Variants in DNAJB13 observed in about 807,000 individuals in gnomAD.
The protein encoded by DNAJB13 is dnaJ homolog subfamily B member 13.
In DNAJB13, 22 loss-of-function variants were observed where a neutral mutation model predicts 35.6. The observed-to-expected ratio is 0.62, with a 90% CI of 0.44 to 0.88. The LOEUF (loss-of-function observed/expected upper bound fraction) is 0.88. Among genes scored for constraint, DNAJB13 ranks in the 40% least tolerant of loss-of-function variants. The pLI, the probability that DNAJB13 is intolerant of heterozygous loss-of-function variation, is 0.00. For missense variants in DNAJB13, 370 were observed against 384.3 expected (o/e 0.96, Z 0.31); for synonymous variants, 136 against 144.2 (o/e 0.94, Z 0.41).
Position 73,958,000 on chromosome 11 carries a change from G to C in DNAJB13, c.69-317G>C, listed in dbSNP as rs612914. Reference sequence around the variant, plus strand: ...GGGAGCCCTCGCGCAAAGCTTGCCCGTTGGAGGAGTCCTGTGTCTTGCAGG... The same window carrying C: ...GGGAGCCCTCGCGCAAAGCTTGCCCCTTGGAGGAGTCCTGTGTCTTGCAGG... On this transcript the variant is annotated intron_variant, in intron 1 of 7. Transcript: ENST00000339764. Among the ~76,000 whole-genome samples the C allele has an allele frequency of 0.53, 79,841 of 152,036 alleles. 21,834 individuals are homozygous for C. The highest frequency in any genetic ancestry group is 0.69 in the African/African-American group (28,749 of 41,462).
At position 73,951,244 on chromosome 11, in the gene DNAJB13, C is replaced by T; in HGVS notation, c.68+107C>T. ...ACAGCTTAGCGCAGACAAGGTAAAC[C>T]TTGTTCCTCCTTTCACTTCTTGCAT... On this transcript the variant is annotated intron_variant, in intron 1 of 7. Coordinates refer to ENST00000339764, the MANE Select transcript of DNAJB13 (RefSeq NM_153614.4). The T allele has an allele frequency of 3.7e-6, 5 of 1,340,466 alleles. No homozygotes were observed. The African/African-American group carries it at 5.8e-5, about 16-fold the overall frequency. 83.0% of individuals were successfully genotyped at this position (1,340,466 alleles called of 1,614,324 possible).
rs1026229822 is a variant in DNAJB13 at position 73,958,358 on chromosome 11, A to T, written c.110A>T (p.Asn37Ile). Residue 37 changes from asparagine (N) to isoleucine (I), a missense_variant, in exon 2 of 8, where the codon AAT (asparagine) becomes ATT (isoleucine). Physicochemically the swap from Asn to Ile is moderately radical, Grantham distance 149. Transcript: ENST00000339764. Reference sequence around the variant, plus strand: ...CTTAAGCACCACCCGTTGAAGTCAAATGAGCCGTCTTCAGCAGAGATTTTC... The same window carrying T: ...CTTAAGCACCACCCGTTGAAGTCAATTGAGCCGTCTTCAGCAGAGATTTTC... Reference protein sequence around the residue: ...LALKHHPLKSNEPSSAEIFRQ... With the variant: ...LALKHHPLKSIEPSSAEIFRQ... 1 of 1,614,190 alleles carries T rather than the reference A, an allele frequency of 6.2e-7. No individual in the cohort carries two copies. Among genetic ancestry groups the T allele is most frequent in the Non-Finnish European group, 8.5e-7 (1 of 1,180,030 alleles).
chr11:73,966,016 T>C, intron 4 of DNAJB13, 122 bp from the exon 5 acceptor site: 1 of 902,890 alleles, frequency 1.1e-6, no homozygotes, highest in South Asian at 1.6e-5. Context: ...CAAGTACAAA[T>C]CCCATAGAGC....
At position 73,968,369 on chromosome 11, in the gene DNAJB13, A is replaced by G; in HGVS notation, c.631A>G (p.Ile211Val). 2 of 1,614,144 alleles carry G rather than the reference A, an allele frequency of 1.2e-6. No individual in the cohort carries two copies. The highest frequency in any genetic ancestry group is 1.1e-5 in the South Asian group (1 of 91,082). ...DQGPNIIPAD[I>V]IFIVKEKLHP... ...GGGCCCCAACATCATCCCAGCAGAC[A>G]TCATTTTCATCGTAAAGGAGAAGCT... The change falls in exon 6 of 8, where the codon ATC becomes GTC. Residue 211 changes from isoleucine (I) to valine (V), a missense_variant. By Grantham distance (29) the Ile-to-Val change is conservative. Coordinates refer to ENST00000339764, the MANE Select transcript of DNAJB13 (RefSeq NM_153614.4).
intron 1 of DNAJB13, among the ~76,000 whole-genome samples, chr11:73,957,701 G>A (rs1950793983): frequency 6.6e-6 from 1 of 152,178 alleles, no homozygotes. Context: ...GGGTGGGGGC[G>A]GCACAGGAAC....
intron 5 of DNAJB13, among the ~76,000 whole-genome samples, chr11:73,967,104 C>T (rs1212624068): frequency 2.6e-5 from 4 of 152,054 alleles, no homozygotes; most frequent in Non-Finnish European, 2.9e-5. Context: ...CCACCTGTCT[C>T]GGCCTCCCAA....
intron 3 of DNAJB13, chr11:73,959,882 C>T: frequency 3.5e-6 from 1 of 285,004 alleles, no homozygotes; most frequent in Non-Finnish European, 6.3e-6. Flanking sequence ...CCTCCCTCAG[C>T]CTCCCAAGTA....
At chr11:73,966,978 C>T (rs1331870621) in intron 5 of DNAJB13, among the ~76,000 whole-genome samples, 4 of 151,712 alleles carry the variant, frequency 2.6e-5, no homozygotes, top group Non-Finnish European at 4.4e-5. Context: ...TCAGCTTCCC[C>T]AGTAGCTGGG....
chr11:73,951,299 G>A (rs1429678850), intron 1 of DNAJB13, among the ~76,000 whole-genome samples, 162 bp downstream of exon 1: 2 of 152,092 alleles, frequency 1.3e-5, no homozygotes, highest in Non-Finnish European at 2.9e-5. Flanking sequence ...TCTGGGTCAG[G>A]GCCCAGGTTG....
chr11:73,965,441 T>C (rs1407754337), intron 4 of DNAJB13: 2 of 165,138 alleles, frequency 1.2e-5, no homozygotes, highest in Admixed American at 1.1e-4. Context: ...ACAGTGGGCA[T>C]GGAGGGTGGG....
At chr11:73,957,174 A>G (rs1179580569) in intron 1 of DNAJB13, among the ~76,000 whole-genome samples, 2 of 152,094 alleles carry the variant, frequency 1.3e-5, no homozygotes, top group Admixed American at 6.5e-5. Flanking sequence ...TTCCACATGG[A>G]GCCGGCCCAG....
intron 1 of DNAJB13, among the ~76,000 whole-genome samples, chr11:73,956,333 G>A (rs955936158): frequency 2.0e-5 from 3 of 152,212 alleles, no homozygotes; most frequent in African/African-American, 4.8e-5. Context: ...AAGCTGGGAG[G>A]AGCTGCAGAG....
At position 73,970,245 on chromosome 11, in the gene DNAJB13, T is replaced by G; in HGVS notation, c.*131T>G. Reference sequence around the variant, plus strand: ...TACAAGGGTGGGATGGCGCAGGGCTTAAACTGACATAATAAAGATCTATTT... The same window carrying G: ...TACAAGGGTGGGATGGCGCAGGGCTGAAACTGACATAATAAAGATCTATTT... On this transcript the variant is annotated 3_prime_UTR_variant, in exon 8 of 8. Transcript: ENST00000339764. The G allele has an allele frequency of 8.7e-7, 1 of 1,146,196 alleles. No individual in the cohort carries two copies. The highest frequency in any genetic ancestry group is 1.2e-6 in the Non-Finnish European group (1 of 840,024). The allele number at this position is 1,146,196 out of a possible 1,614,324, so 71.0% of individuals were successfully genotyped here.
intron 1 of DNAJB13, 116 bp from the exon 2 acceptor site, chr11:73,958,201 G>GA (rs1475880821): frequency 9.7e-7 from 1 of 1,032,374 alleles, no homozygotes; most frequent in Non-Finnish European, 1.5e-6. Context: ...CACAGCTGGT[G>GA]AAGTCACCCC....
intron 2 of DNAJB13, among the ~76,000 whole-genome samples, 159 bp downstream of exon 2, chr11:73,958,579 T>C (rs1950828091): frequency 6.6e-6 from 1 of 152,136 alleles, no homozygotes; most frequent in South Asian, 2.1e-4. Flanking sequence ...CCCGCCTTTC[T>C]CAGTAGAAGC....
intron 4 of DNAJB13, 53 bp from the exon 5 acceptor site, chr11:73,966,085 T>G: frequency 6.6e-7 from 1 of 1,513,602 alleles, no homozygotes; most frequent in Non-Finnish European, 9.1e-7. Flanking sequence ...AAATCTCGAC[T>G]GTACTCATGG....
At chr11:73,957,056 G>T (rs1180945863) in intron 1 of DNAJB13, among the ~76,000 whole-genome samples, 1 of 152,144 alleles carries the variant, frequency 6.6e-6, no homozygotes, top group Non-Finnish European at 1.5e-5. Flanking sequence ...GGTCACGCCT[G>T]GGCTGAATGA....
Position 73,966,229 on chromosome 11 carries a change from C to T in DNAJB13, c.584C>T (p.Thr195Ile). 6.2e-7 allele frequency: 1 copy of T among 1,613,350 alleles called. No individual in the cohort carries two copies. The highest frequency in any genetic ancestry group is 1.1e-5 in the South Asian group (1 of 90,692). The part of the protein sequence containing the change: ...KPGWRQGTRI[T>I]FEKEGDQGPN... ...GGTTGGAGGCAGGGCACACGCATCA[C>T]CTTTGAGAAGGAAGGGGACCAGGTG... The change falls in exon 5 of 8, where the codon ACC becomes ATC. Residue 195 changes from threonine (T) to isoleucine (I), a missense_variant. By Grantham distance (89) the Thr-to-Ile change is moderately conservative. Coordinates refer to ENST00000339764, the MANE Select transcript of DNAJB13 (RefSeq NM_153614.4).
intron 2 of DNAJB13, among the ~76,000 whole-genome samples, chr11:73,958,869 G>T (rs1950839289): frequency 6.6e-6 from 1 of 152,182 alleles, no homozygotes; most frequent in Non-Finnish European, 1.5e-5. Flanking sequence ...GAAAGGCCAG[G>T]AGTAATTAGG....
Sources: gnomAD v4.1 joint callset for allele counts (sites outside exome capture counted in the v4.1 genomes callset) on GRCh38, gnomAD v4.1.1 for gene constraint, MANE v1.5 for transcripts, NCBI Gene and HGNC (gene_info 2026-07-23, HGNC 2026-07-21) for gene names.